The following THOC1 variants were observed in gnomAD, a reference collection of about 807,000 sequenced individuals.
THOC1 encodes the protein THO complex subunit 1, also known as THO complex 1.
THOC1 carries 29 observed loss-of-function variants against 97.3 expected under a neutral mutation model. The observed-to-expected ratio is 0.30, with a 90% CI of 0.22 to 0.41. THOC1 has a LOEUF of 0.41. Ranked by LOEUF, THOC1 falls within the 10% of genes least tolerant of loss-of-function variation. THOC1 has a pLI of 1.00. For missense variants in THOC1, 529 were observed against 761.9 expected, an observed-to-expected ratio of 0.69 and a Z score of 3.60; for synonymous variants, 255 against 257.0, an observed-to-expected ratio of 0.99 and a Z score of 0.07.
Position 259,168 on chromosome 18 carries a change from A to T in THOC1, c.520+12T>A. 1 of 1,602,574 alleles carries T rather than the reference A, an allele frequency of 6.2e-7. No individual in the cohort carries two copies. The highest frequency in any genetic ancestry group is 1.1e-5 in the South Asian group (1 of 89,394). Reference sequence around the variant, plus strand: ...TTCCTGCAGAAAACTCATTTAATGCATAAAAGCTTACCTGATTTCTCAGAC... The same window carrying T: ...TTCCTGCAGAAAACTCATTTAATGCTTAAAAGCTTACCTGATTTCTCAGAC... On this transcript the variant is annotated intron_variant, in intron 7 of 20. Coordinates refer to ENST00000261600, the MANE Select transcript of THOC1 (RefSeq NM_005131.3).
intron 12 of THOC1, chr18:226,402 A>G (rs1911287585): frequency 6.3e-6 from 1 of 157,610 alleles, no homozygotes; most frequent in Non-Finnish European, 1.4e-5. Flanking sequence ...TTGCTTAAAA[A>G]TTTTCTTTGC....
At chr18:255,902 C>A (rs1051301111) in intron 7 of THOC1, among the ~76,000 whole-genome samples, 3 of 152,182 alleles carry the variant, frequency 2.0e-5, no homozygotes, top group Non-Finnish European at 2.9e-5. Flanking sequence ...TCTGCCTTGG[C>A]TCCATCCATA....
At chr18:247,771 G>A in intron 10 of THOC1, 78 bp downstream of exon 10, 2 of 824,338 alleles carry the variant, frequency 2.4e-6, no homozygotes, top group South Asian at 3.1e-5. Context: ...TGAAAAGTAT[G>A]TTAGACAAGA....
chr18:230,991 A>G (rs373028788), intron 11 of THOC1, among the ~76,000 whole-genome samples: 30 of 152,308 alleles, frequency 2.0e-4, no homozygotes, highest in African/African-American at 6.5e-4. Flanking sequence ...ACTTCAAGCA[A>G]TCCTGCAGCC....
intron 7 of THOC1, among the ~76,000 whole-genome samples, chr18:257,741 A>C (rs1331029418): frequency 6.6e-6 from 1 of 152,166 alleles, no homozygotes; most frequent in Non-Finnish European, 1.5e-5. Flanking sequence ...TGGCATTACC[A>C]GATACAGACA....
Position 242,031 on chromosome 18 carries a change from C to T in THOC1, c.918+4293G>A, listed in dbSNP as rs1368352753. 6.6e-6 allele frequency among the ~76,000 whole-genome samples: 1 copy of T among 152,186 alleles called. No homozygotes were observed. The highest frequency in any genetic ancestry group is 1.9e-4 in the East Asian group (1 of 5,192). ...GGGCACTAGTATTCAGAATCACACT[C>T]CAGGTAGTACAAAAATGTGGCACTT... On this transcript the variant is annotated intron_variant, in intron 11 of 20. Transcript: ENST00000261600. The surrounding 1 kb of genome is among the most constrained non-coding windows in gnomAD (Gnocchi z 4.5).
intron 9 of THOC1, 122 bp downstream of exon 9, chr18:252,417 C>T (rs945286742): frequency 9.3e-6 from 7 of 754,450 alleles, no homozygotes; most frequent in Admixed American, 5.4e-5. Flanking sequence ...ATGAAAATTA[C>T]AAATGAAAGA....
chr18:259,801 A>T lies in THOC1; in HGVS notation c.376-71T>A. ...ACATTCTTCAATAATAAGTTGCCAGAGTGAAATATTAAAGAACACTAACAT... is the reference window on the plus strand; with the variant it reads ...ACATTCTTCAATAATAAGTTGCCAGTGTGAAATATTAAAGAACACTAACAT... On this transcript the variant is annotated intron_variant, in intron 5 of 20. Transcript: ENST00000261600. 4 of 1,160,638 alleles carry T rather than the reference A, an allele frequency of 3.4e-6. No homozygotes were observed. In the Middle Eastern group the frequency reaches 7.7e-4, roughly 223 times the overall value. The allele number at this position is 1,160,638 out of a possible 1,614,324, so 71.9% of individuals were successfully genotyped here.
At chr18:244,476 A>G (rs1912019273) in intron 11 of THOC1, 1 of 152,126 alleles carries the variant, frequency 6.6e-6, no homozygotes, top group African/African-American at 2.4e-5. Context: ...TCGGTATAAA[A>G]TTCTAGATTG....
chr18:253,555 T>A (rs1359728075), intron 8 of THOC1, among the ~76,000 whole-genome samples: 1 of 152,224 alleles, frequency 6.6e-6, no homozygotes, highest in Non-Finnish European at 1.5e-5. Context: ...AGTCCTGGTA[T>A]GGTGAGACAG....
At chr18:232,522 T>C (rs544462830) in intron 11 of THOC1, among the ~76,000 whole-genome samples, 48 of 151,742 alleles carry the variant, frequency 3.2e-4, no homozygotes, top group African/African-American at 7.2e-4. Context: ...CTTGTGAACA[T>C]TGACACTGTT....
chr18:226,830 T>A lies in THOC1; in HGVS notation c.990A>T (p.Gln330His). The change falls in exon 12 of 21, where the codon CAA becomes CAT. Residue 330 changes from glutamine to histidine, a missense_variant. Gln to His is a conservative substitution (Grantham distance 24, BLOSUM62 0). Coordinates refer to ENST00000261600, the MANE Select transcript of THOC1 (RefSeq NM_005131.3). ...HILLQYLILF[Q>H]YLKGQVKFKS... ...TGAATTTGACCTGCCCCTTGAGATA[T>A]TGGAATAAAATGAGATACTGCAACA... The A allele has an allele frequency of 1.9e-6, 3 of 1,611,948 alleles. No individual in the cohort carries two copies. Among genetic ancestry groups the A allele is most frequent in the Non-Finnish European group, 2.5e-6 (3 of 1,179,030 alleles).
At chr18:226,736 C>T (rs1198980047) in intron 12 of THOC1, 65 bp downstream of exon 12, 7 of 1,226,856 alleles carry the variant, frequency 5.7e-6, no homozygotes, top group African/African-American at 3.0e-5. Flanking sequence ...TAAGAAAAAT[C>T]GTAAGCAAGT....
rs73364354 is a variant in THOC1 at position 215,020 on chromosome 18, A to G, written c.1679-99T>C. On this transcript the variant is annotated intron_variant, in intron 20 of 20. Coordinates refer to ENST00000261600, the MANE Select transcript of THOC1 (RefSeq NM_005131.3). ...AAGTTTTATTAACCACCTTTAGTAG[A>G]CTTTATTTTAAAAGTAAACAATTAT... The G allele has an allele frequency of 1.1e-3, 1,126 of 1,049,882 alleles. 11 individuals are homozygous for G. In the African/African-American group the frequency reaches 0.016, roughly 15 times the overall value. The allele number at this position is 1,049,882 out of a possible 1,614,324, so 65.0% of individuals were successfully genotyped here.
In THOC1 at chr18:237,510, A is replaced by G. The variant is rs189394084; in HGVS notation, c.918+8814T>C. On this transcript the variant is annotated intron_variant, in intron 11 of 20. Transcript: ENST00000261600. Reference sequence around the variant, plus strand: ...TTGAAAGGCACCACTAAGTGCTTACATAATCCTGGACGAGCTGTTAAAATC... The same window carrying G: ...TTGAAAGGCACCACTAAGTGCTTACGTAATCCTGGACGAGCTGTTAAAATC... 9.3e-4 allele frequency among the ~76,000 whole-genome samples: 142 copies of G among 152,250 alleles called. No homozygotes were observed. The Middle Eastern group carries it at 0.01, about 11-fold the overall frequency.
chr18:230,806 G>A (rs566091652), intron 11 of THOC1, among the ~76,000 whole-genome samples: 2 of 152,316 alleles, frequency 1.3e-5, no homozygotes, highest in South Asian at 4.1e-4. Context: ...CACCATCATA[G>A]CTCACTGCAG....
chr18:226,818 C>T lies in THOC1; in HGVS notation c.1002G>A (p.Gly334=), dbSNP rs940513812. The T allele has an allele frequency of 6.8e-6, 11 of 1,610,804 alleles. No homozygotes were observed. Among genetic ancestry groups the T allele is most frequent in the South Asian group, 2.2e-5 (2 of 90,288 alleles). The change falls in exon 12 of 21, where the codon GGG becomes GGA. Residue 334 remains glycine, a synonymous_variant. Transcript: ENST00000261600. ...QYLILFQYLK[G]QVKFKSSNYV... ...TATCTTACCTTTTGAATTTGACCTGCCCCTTGAGATATTGGAATAAAATGA... is the reference window on the plus strand; with the variant it reads ...TATCTTACCTTTTGAATTTGACCTGTCCCTTGAGATATTGGAATAAAATGA...
chr18:235,703 G>A (rs1040103596), intron 11 of THOC1, among the ~76,000 whole-genome samples: 1 of 152,052 alleles, frequency 6.6e-6, no homozygotes, highest in East Asian at 1.9e-4. Context: ...GAGAAATGTG[G>A]CCAGAGAATG....
chr18:220,803 T>C (rs1368570787), intron 17 of THOC1, among the ~76,000 whole-genome samples: 12 of 152,228 alleles, frequency 7.9e-5, no homozygotes, highest in African/African-American at 2.9e-4. Flanking sequence ...TTTGTTTTTA[T>C]TGATCTTCTC....
Sources: allele counts gnomAD v4.1 joint callset (sites outside exome capture counted in the v4.1 genomes callset), GRCh38; gene constraint gnomAD v4.1.1; non-coding constraint Gnocchi (gnomAD v3.1); transcripts MANE v1.5; gene names NCBI Gene and HGNC (gene_info 2026-07-23, HGNC 2026-07-21).